The following MPP1 variants were observed in gnomAD, a reference collection of about 807,000 sequenced individuals.
MPP1 encodes the protein 55 kDa erythrocyte membrane protein.
A neutral mutation model predicts 38.2 loss-of-function variants in MPP1; 6 were observed. The ratio of observed to expected loss-of-function variants is 0.16; its 90% CI spans 0.09 to 0.31. The LOEUF (loss-of-function observed/expected upper bound fraction) is 0.31. MPP1 is among the 10% of genes least tolerant of loss of function. The pLI is 1.00. For missense variants in MPP1, 293 were observed against 368.9 expected, an observed-to-expected ratio of 0.79 and a Z score of 1.69; for synonymous variants, 153 against 146.3, an observed-to-expected ratio of 1.05 and a Z score of -0.33.
At position 154,790,965 on chromosome X, in the gene MPP1, A is replaced by G. The variant is rs1266175525; in HGVS notation, c.411+18T>C. On this transcript the variant is annotated intron_variant, in intron 4 of 11. Coordinates refer to ENST00000369534, the MANE Select transcript of MPP1 (RefSeq NM_002436.4). The stretch of plus-strand genomic sequence containing the variant: ...TGGAGACAATGGAAGGTCTTCATCT[A>G]GCATAGAAAATACCCACCATCGCCT... The G allele has an allele frequency of 8.4e-7, 1 of 1,194,793 alleles. No individual in the cohort carries two copies. Among genetic ancestry groups the G allele is most frequent in the African/African-American group, 1.8e-5 (1 of 57,012 alleles).
At position 154,786,230 on chromosome X, in the gene MPP1, C is replaced by T; in HGVS notation, c.651G>A (p.Leu217=). The change falls in exon 6 of 12, where the codon TTG becomes TTA. Residue 217 remains leucine, a synonymous_variant. Transcript: ENST00000369534. ...ATTCCTGCAGCTCAGGGGAAGGGAT[C>T]AATCCTGCTGACTCCTTGGAGGAGC... is the stretch of plus-strand genomic sequence containing the variant. The part of the protein sequence containing the change: ...VEGSSKESAG[L]IPSPELQEWR... 8.3e-7 allele frequency: 1 copy of T among 1,211,259 alleles called. No individual in the cohort carries two copies. Among genetic ancestry groups the T allele is most frequent in the Non-Finnish European group, 1.1e-6 (1 of 895,171 alleles).
At chrX:154,794,059 A>T (rs1557267970) in intron 1 of MPP1, among the ~76,000 whole-genome samples, 1 of 112,140 alleles carries the variant, frequency 8.9e-6, no homozygotes, top group Non-Finnish European at 1.9e-5. Context: ...ATGTTTTTTC[A>T]AGATTAGACT....
At chrX:154,787,761 C>T (rs1394644820) in intron 5 of MPP1, among the ~76,000 whole-genome samples, 2 of 112,135 alleles carry the variant, frequency 1.8e-5, no homozygotes, top group Non-Finnish European at 3.8e-5. Context: ...CGCATGCCAC[C>T]ACACCTGGCC....
intron 6 of MPP1, 138 bp downstream of exon 6, chrX:154,786,066 C>A (rs2072068761): frequency 5.1e-6 from 3 of 588,835 alleles, no homozygotes; most frequent in Non-Finnish European, 7.8e-6. Context: ...GGTTAACCCT[C>A]CCCCACCCAT....
In MPP1 at chrX:154,779,227, C is replaced by T. The variant is rs782511750; in HGVS notation, c.1351G>A (p.Asp451Asn). 2.8e-5 allele frequency: 34 copies of T among 1,210,111 alleles called. No homozygotes were observed. The South Asian group carries it at 3.2e-4, about 11-fold the overall frequency. The change falls in exon 12 of 12, where the codon GAC becomes AAC. Residue 451 changes from aspartate (D) to asparagine (N), a missense_variant. Transcript: ENST00000369534. ...ETLKKLQEAFDQACSSPQWVP... is the reference protein window; with the variant it reads ...ETLKKLQEAFNQACSSPQWVP... ...CACTGTGGAGAACTGCACGCTTGGTCGAAGGCTTCTTGTAATTTCTTAAGG... is the reference window on the plus strand; with the variant it reads ...CACTGTGGAGAACTGCACGCTTGGTTGAAGGCTTCTTGTAATTTCTTAAGG...
chrX:154,784,617 A>T, intron 7 of MPP1: 1 of 243,297 alleles, frequency 4.1e-6, no homozygotes. Context: ...CGTCTCAGAA[A>T]AGAGAAATGC....
intron 5 of MPP1, among the ~76,000 whole-genome samples, chrX:154,787,189 GAAGA>G (rs1557267307): frequency 1.3e-4 from 14 of 108,131 alleles, no homozygotes; most frequent in Non-Finnish European, 2.7e-4. Flanking sequence ...AGCATCATTT[GAAGA>G]AAGAAGGCTA....
chrX:154,791,201 G>T, intron 3 of MPP1, 133 bp from the exon 4 acceptor site: 1 of 559,603 alleles, frequency 1.8e-6, no homozygotes, highest in Non-Finnish European at 2.9e-6. Context: ...CAAATACTCA[G>T]GATTGAAAAC....
intron 1 of MPP1, among the ~76,000 whole-genome samples, chrX:154,792,795 T>C (rs781829020): frequency 9.0e-6 from 1 of 111,204 alleles, no homozygotes; most frequent in East Asian, 2.8e-4. Context: ...CAGTTTCTCA[T>C]GAATCACCCC....
chrX:154,783,668 G>A (rs1037153973), intron 8 of MPP1, 161 bp from the exon 9 acceptor site: 27 of 455,613 alleles, frequency 5.9e-5, no homozygotes, highest in African/African-American at 1.2e-4. Flanking sequence ...TGAGCAGTCC[G>A]CCAGAGGCAA....
At chrX:154,804,276 A>G (rs1455954121) in intron 1 of MPP1, among the ~76,000 whole-genome samples, 7 of 111,672 alleles carry the variant, frequency 6.3e-5, no homozygotes. Flanking sequence ...CCAAATGTCC[A>G]TCTCTTCAGT....
At chrX:154,799,603 G>C in intron 1 of MPP1, 2 of 576,260 alleles carry the variant, frequency 3.5e-6, no homozygotes, top group Non-Finnish European at 5.2e-6. Context: ...TCCTCTCAAA[G>C]CAGCCACCAT....
intron 8 of MPP1, 59 bp from the exon 9 acceptor site, chrX:154,783,566 C>T (rs374251802): frequency 2.0e-5 from 20 of 1,008,784 alleles, no homozygotes; most frequent in African/African-American, 1.5e-4. Flanking sequence ...GGATAAGATA[C>T]GGATTTTCCT....
At chrX:154,792,420 G>A in intron 1 of MPP1, 135 bp from the exon 2 acceptor site, 1 of 743,570 alleles carries the variant, frequency 1.3e-6, no homozygotes, top group Non-Finnish European at 1.9e-6. Context: ...TATTTGAATT[G>A]ACATGAAGCT....
rs782628589 is a variant in MPP1, at chrX:154,799,805, G to A, written c.102+5467C>T. On this transcript the variant is annotated intron_variant, in intron 1 of 11. Coordinates refer to ENST00000369534, the MANE Select transcript of MPP1 (RefSeq NM_002436.4). ...CTGGCCTTTAATCAGACAAAGTGCT[G>A]GAGTGGCAATGCCTGCCGCTCTGAA... is the stretch of plus-strand genomic sequence containing the variant. 1.0e-5 allele frequency: 12 copies of A among 1,164,509 alleles called. No homozygotes were observed. The African/African-American group carries it at 1.1e-4, about 10-fold the overall frequency.
At chrX:154,795,204 A>T (rs782048475) in intron 1 of MPP1, among the ~76,000 whole-genome samples, 1 of 112,211 alleles carries the variant, frequency 8.9e-6, no homozygotes, top group East Asian at 2.8e-4. Context: ...AGAAAGAGAA[A>T]CTGCCTTCTC....
At chrX:154,785,406 C>A (rs1373131875) in intron 6 of MPP1, among the ~76,000 whole-genome samples, 1 of 110,656 alleles carries the variant, frequency 9.0e-6, no homozygotes, top group African/African-American at 3.3e-5. Context: ...AACCCACAAA[C>A]AACTCTCTTT....
At chrX:154,788,166 A>G (rs1354559514) in intron 5 of MPP1, among the ~76,000 whole-genome samples, 1 of 112,558 alleles carries the variant, frequency 8.9e-6, no homozygotes, top group African/African-American at 3.2e-5. Flanking sequence ...AACAAGACAT[A>G]AAAAGTGCTA....
Position 154,790,987 on chromosome X carries a change from G to A in MPP1, c.407C>T (p.Ala136Val), listed in dbSNP as rs148881397. The A allele has an allele frequency of 2.0e-4, 241 of 1,207,227 alleles. 2 individuals carry two copies. The East Asian group carries it at 6.7e-3, about 34-fold the overall frequency. ...TNHSVDQLQK[A>V]MKETKGMISL... ...TCTAGCATAGAAAATACCCACCATC[G>A]CCTTCTGCAGCTGATCCACTGAATG... is the stretch of plus-strand genomic sequence containing the variant. Residue 136 changes from alanine (A) to valine (V), a missense_variant, in exon 4 of 12, where the codon GCG (alanine) becomes GTG (valine). Ala to Val is a moderately conservative substitution (Grantham distance 64). Coordinates refer to ENST00000369534, the MANE Select transcript of MPP1 (RefSeq NM_002436.4).
Sources: allele counts gnomAD v4.1 joint callset (sites outside exome capture counted in the v4.1 genomes callset), GRCh38; gene constraint gnomAD v4.1.1; transcripts MANE v1.5; gene names NCBI Gene and HGNC (gene_info 2026-07-23, HGNC 2026-07-21).